Variants in TELO2 observed in about 807,000 individuals in gnomAD.
TELO2 encodes the protein telomere maintenance 2.
Under a neutral mutation model 91.0 loss-of-function variants are expected in TELO2, and 71 were observed. The observed-to-expected ratio is 0.78, with a 90% CI of 0.64 to 0.95. The LOEUF is 0.95. Ranked by LOEUF, TELO2 falls within the 40% of genes least tolerant of loss-of-function variation. The pLI is 0.00. For synonymous variants in TELO2, 584 were observed against 518.9 expected, an observed-to-expected ratio of 1.13 and a Z score of -1.71; for missense variants, 1,183 against 1,141.3, an observed-to-expected ratio of 1.04 and a Z score of -0.53.
intron 9 of TELO2, 108 bp from the exon 10 acceptor site, chr16:1,501,312 A>G (rs1225975995): frequency 2.5e-5 from 30 of 1,197,584 alleles, no homozygotes; most frequent in Non-Finnish European, 3.1e-5. Flanking sequence ...CCACTGAGTG[A>G]GACCGGGCTG....
In TELO2 at chr16:1,503,013, C is replaced by G. The variant is rs1386124611; in HGVS notation, c.1842+11C>G. The G allele has an allele frequency of 6.2e-7, 1 of 1,609,122 alleles. No homozygotes were observed. The highest frequency in any genetic ancestry group is 8.5e-7 in the Non-Finnish European group (1 of 1,179,956). On this transcript the variant is annotated intron_variant, in intron 15 of 20. Coordinates refer to ENST00000262319, the MANE Select transcript of TELO2 (RefSeq NM_016111.4). ...ATGGACATCCTGGATGTAAGTGCCT[C>G]CTGGGCCTCAGTCCCCCTGGTCTGG...
At chr16:1,499,162 A>T (rs1439399309) in intron 5 of TELO2, 69 bp from the exon 6 acceptor site, 8 of 1,525,250 alleles carry the variant, frequency 5.2e-6, no homozygotes, top group Non-Finnish European at 6.4e-6. Context: ...TGGGCATCGG[A>T]GTTCACGCTC....
At chr16:1,495,734 G>A (rs547968643) in intron 3 of TELO2, 111 bp downstream of exon 3, 15 of 1,426,980 alleles carry the variant, frequency 1.1e-5, no homozygotes, top group South Asian at 2.8e-5. Flanking sequence ...TCTGGTTGAT[G>A]CCGTCAGGCA....
intron 15 of TELO2, among the ~76,000 whole-genome samples, chr16:1,503,205 AC>A (rs2141051995): frequency 6.6e-6 from 1 of 152,346 alleles, no homozygotes; most frequent in Admixed American, 6.5e-5. Context: ...GTTTAAAATA[AC>A]AGCTTTACTG....
chr16:1,509,460 G>A (rs887505785), intron 20 of TELO2, among the ~76,000 whole-genome samples: 4 of 152,190 alleles, frequency 2.6e-5, no homozygotes, highest in Non-Finnish European at 5.9e-5. Flanking sequence ...CCACAGGCGG[G>A]TGGCACGCCC....
chr16:1,502,493 G>A, intron 13 of TELO2, 89 bp downstream of exon 13: 1 of 1,509,398 alleles, frequency 6.6e-7, no homozygotes. Flanking sequence ...GTGACATATG[G>A]CTCCCGTGTG....
chr16:1,497,232 G>A lies in TELO2; in HGVS notation c.682+128G>A. On this transcript the variant is annotated intron_variant, in intron 4 of 20. Transcript: ENST00000262319. This position sits in a 1 kb window ranked among gnomAD's most constrained non-coding sequence, Gnocchi z 4.0. The stretch of plus-strand genomic sequence containing the variant: ...GGTCCCCTTGCCCGGTCCTGTCCTG[G>A]GCCCGTGGGATCTGGGGCTCAGCTG... 6.7e-7 allele frequency: 1 copy of A among 1,498,954 alleles called. No homozygotes were observed. Among genetic ancestry groups the A allele is most frequent in the Non-Finnish European group, 9.0e-7 (1 of 1,114,736 alleles). The allele number at this position is 1,498,954 out of a possible 1,614,324, so 92.9% of individuals were successfully genotyped here.
At chr16:1,506,594 C>A in intron 17 of TELO2, 1 of 1,400,312 alleles carries the variant, frequency 7.1e-7, no homozygotes, top group Non-Finnish European at 9.3e-7. Context: ...ACGTGCCCGA[C>A]GCCATCACCT....
intron 20 of TELO2, 95 bp downstream of exon 20, chr16:1,507,811 GGT>G (rs143327685): frequency 0.021 from 17,043 of 822,188 alleles, 146 homozygotes; most frequent in Middle Eastern, 0.025. Context: ...GTCGGCCCGG[GGT>G]GTGTGTGTGT....
intron 13 of TELO2, 117 bp downstream of exon 13, chr16:1,502,521 C>T (rs1174327700): frequency 3.8e-5 from 57 of 1,503,342 alleles, no homozygotes; most frequent in Admixed American, 3.3e-4. Context: ...GCTGCTGCCT[C>T]TCCCGGGGGG....
At chr16:1,505,000 G>C (rs2039837749) in intron 15 of TELO2, 1 of 169,502 alleles carries the variant, frequency 5.9e-6, no homozygotes, top group Non-Finnish European at 1.3e-5. Context: ...AGGTGTCCTA[G>C]AGATGGAGGC....
At chr16:1,503,763 G>A (rs1021386887) in intron 15 of TELO2, among the ~76,000 whole-genome samples, 4 of 152,142 alleles carry the variant, frequency 2.6e-5, no homozygotes, top group Non-Finnish European at 5.9e-5. Context: ...AGGCAAAAGA[G>A]TTCTGGCGAG....
intron 3 of TELO2, among the ~76,000 whole-genome samples, chr16:1,496,645 C>T (rs1420836496): frequency 1.3e-5 from 2 of 152,226 alleles, no homozygotes; most frequent in African/African-American, 4.8e-5. Context: ...CGCTCCTTCC[C>T]TGTGGGCGGC....
At chr16:1,506,835 G>C in intron 17 of TELO2, 117 bp from the exon 18 acceptor site, 2 of 1,435,746 alleles carry the variant, frequency 1.4e-6, no homozygotes, top group Non-Finnish European at 1.8e-6. Context: ...CAGGCAAGGC[G>C]GTGGGCACGG....
chr16:1,507,493 G>C lies in TELO2; in HGVS notation c.2292-108G>C, dbSNP rs571665974. The C allele has an allele frequency of 1.6e-4, 236 of 1,500,550 alleles. 2 individuals are homozygous for C. The African/African-American group carries it at 3.0e-3, about 19-fold the overall frequency. The allele number at this position is 1,500,550 out of a possible 1,614,324, so 93.0% of individuals were successfully genotyped here. On this transcript the variant is annotated intron_variant, in intron 19 of 20. Transcript: ENST00000262319. ...GCCTGGCCTGGTACTTCCCAAATAG[G>C]AAGTGTGCCAGGCAGGGCCGCAGCG...
In TELO2 at chr16:1,497,646, G is replaced by T; in HGVS notation, c.830+138G>T. 1 of 1,243,746 alleles carries T rather than the reference G, an allele frequency of 8.0e-7. No homozygotes were observed. The highest frequency in any genetic ancestry group is 1.1e-6 in the Non-Finnish European group (1 of 925,748). The allele number at this position is 1,243,746 out of a possible 1,614,324, so 77.0% of individuals were successfully genotyped here. A position where few individuals can be genotyped will look rare whatever the true frequency, so the allele number is the denominator to read the frequency against. On this transcript the variant is annotated intron_variant, in intron 5 of 20. Coordinates refer to ENST00000262319, the MANE Select transcript of TELO2 (RefSeq NM_016111.4). The surrounding 1 kb of genome is among the most constrained non-coding windows in gnomAD (Gnocchi z 4.0). ...ATGTAGGTGCCACAGGGTGTGGGTGGTGCCCTCTCAGTTCCCGCACGTGCT... is the reference window on the plus strand; with the variant it reads ...ATGTAGGTGCCACAGGGTGTGGGTGTTGCCCTCTCAGTTCCCGCACGTGCT...
chr16:1,501,574 G>C (rs376886978), intron 10 of TELO2, 75 bp downstream of exon 10: 9 of 1,565,326 alleles, frequency 5.7e-6, no homozygotes, highest in African/African-American at 4.1e-5. Context: ...GGGATGGGAG[G>C]GGGGAAACCC....
chr16:1,507,772 G>C, intron 20 of TELO2, 56 bp downstream of exon 20: 1 of 1,341,852 alleles, frequency 7.5e-7, no homozygotes, highest in African/African-American at 1.5e-5. Flanking sequence ...GGGTGTGTGT[G>C]TATGTGTGTG....
chr16:1,495,349 C>A lies in TELO2; in HGVS notation c.339C>A (p.Pro113=). Residue 113 remains proline (P), a synonymous_variant, in exon 3 of 21, where the codon CCC becomes CCA. Coordinates refer to ENST00000262319, the MANE Select transcript of TELO2 (RefSeq NM_016111.4). ...CCCAACACGCCCGTATCTTCAGCCCCAGCTTCCGGCTGATGAAGATGGCGC... is the reference window on the plus strand; with the variant it reads ...CCCAACACGCCCGTATCTTCAGCCCAAGCTTCCGGCTGATGAAGATGGCGC... The part of the protein sequence containing the change: ...LMETIEGAAG[P]SFRLMKMARL... 6.5e-7 allele frequency: 1 copy of A among 1,543,182 alleles called. No homozygotes were observed. Among genetic ancestry groups the A allele is most frequent in the African/African-American group, 1.4e-5 (1 of 73,190 alleles).
Sources: allele counts gnomAD v4.1 joint callset (sites outside exome capture counted in the v4.1 genomes callset), GRCh38; gene constraint gnomAD v4.1.1; non-coding constraint Gnocchi (gnomAD v3.1); transcripts MANE v1.5; gene names NCBI Gene and HGNC (gene_info 2026-07-23, HGNC 2026-07-21).